Variants in DLGAP2 observed in about 807,000 individuals in gnomAD.
DLGAP2 encodes the protein DLG associated protein 2.
DLGAP2 carries 26 observed loss-of-function variants against 100.3 expected under a neutral mutation model. The ratio of observed to expected loss-of-function variants is 0.26; its 90% CI spans 0.19 to 0.36. The LOEUF (loss-of-function observed/expected upper bound fraction) is 0.36, where lower values mean the gene tolerates loss of function less well. DLGAP2 is among the 10% of genes least tolerant of loss of function. The pLI is 1.00. For missense variants in DLGAP2, 1,858 were observed against 1,453.2 expected, an observed-to-expected ratio of 1.28 and a Z score of -4.53; for synonymous variants, 886 against 630.1, an observed-to-expected ratio of 1.41 and a Z score of -6.08.
intron 2 of DLGAP2, among the ~76,000 whole-genome samples, chr8:911,447 A>T (rs1251603217): frequency 2.0e-5 from 3 of 152,134 alleles, no homozygotes; most frequent in Admixed American, 6.5e-5. Context: ...TGTATAATGT[A>T]TGTTGGAAGG....
At chr8:766,241 G>A (rs141318884) in intron 1 of DLGAP2, among the ~76,000 whole-genome samples, 16 of 152,224 alleles carry the variant, frequency 1.1e-4, no homozygotes, top group African/African-American at 3.9e-4. Flanking sequence ...CTGCACATAC[G>A]TGCACATATG....
intron 2 of DLGAP2, among the ~76,000 whole-genome samples, chr8:1,104,523 C>G (rs150568988): frequency 5.3e-5 from 8 of 152,334 alleles, no homozygotes; most frequent in Admixed American, 1.3e-4. Flanking sequence ...GGGACTTGAA[C>G]TCTTGACTTA....
intron 1 of DLGAP2, among the ~76,000 whole-genome samples, chr8:794,020 G>A (rs918117740): frequency 1.3e-5 from 2 of 152,168 alleles, no homozygotes; most frequent in African/African-American, 4.8e-5. Flanking sequence ...GTTTCTAGCT[G>A]CAGGATGGGG....
rs1485800307 is a variant in DLGAP2, at chr8:816,236, A to G, written c.18+78411A>G. On this transcript the variant is annotated intron_variant, in intron 1 of 14. Transcript: ENST00000637795. The stretch of plus-strand genomic sequence containing the variant: ...TGTTAGTATTGAGATGTGAGATACT[A>G]TTCCATTCATCATGCTATTTGTTTC... Among the ~76,000 whole-genome samples, 3 of 149,244 alleles carry G rather than the reference A, an allele frequency of 2.0e-5. 1 individual carries two copies. Among genetic ancestry groups the G allele is most frequent in the South Asian group, 4.2e-4 (2 of 4,768 alleles).
intron 3 of DLGAP2, among the ~76,000 whole-genome samples, chr8:1,431,470 C>G (rs113611962): frequency 1.3e-5 from 2 of 152,182 alleles, no homozygotes; most frequent in African/African-American, 2.4e-5. Context: ...GGGCAAAGGA[C>G]AATGCATAGA....
intron 3 of DLGAP2, among the ~76,000 whole-genome samples, chr8:1,317,182 T>G (rs866226276): frequency 1.2e-4 from 11 of 93,330 alleles, no homozygotes; most frequent in African/African-American, 4.6e-4. Flanking sequence ...AGAGCGTGTG[T>G]GAGTGCAGCG....
chr8:1,242,845 C>T (rs565397904), intron 2 of DLGAP2, among the ~76,000 whole-genome samples: 45 of 151,472 alleles, frequency 3.0e-4, no homozygotes, highest in Non-Finnish European at 6.0e-4. Flanking sequence ...GATGGGTGGA[C>T]GGACGGGCAG....
chr8:950,076 C>T (rs950020878), intron 2 of DLGAP2, among the ~76,000 whole-genome samples: 1 of 152,270 alleles, frequency 6.6e-6, no homozygotes, highest in Non-Finnish European at 1.5e-5. Flanking sequence ...CTTATCTGCC[C>T]GGCAGCACCT....
chr8:1,303,105 AAGG>A (rs1800397804), intron 3 of DLGAP2, among the ~76,000 whole-genome samples: 1 of 152,182 alleles, frequency 6.6e-6, no homozygotes, highest in Non-Finnish European at 1.5e-5. Context: ...AATGAATAAA[AAGG>A]AGGAAGGGGT....
chr8:1,445,777 C>T (rs1249755527), intron 3 of DLGAP2, among the ~76,000 whole-genome samples: 1 of 152,144 alleles, frequency 6.6e-6, no homozygotes, highest in African/African-American at 2.4e-5. Flanking sequence ...TTAATGATTG[C>T]CATTCTAACT....
chr8:1,701,066 A>T (rs887376836), intron 14 of DLGAP2, 122 bp from the exon 15 acceptor site: 1 of 844,892 alleles, frequency 1.2e-6, no homozygotes, highest in Non-Finnish European at 1.8e-6. Context: ...ACGGGAGTGA[A>T]GGATGCGGCC....
intron 2 of DLGAP2, among the ~76,000 whole-genome samples, chr8:998,191 CATAA>C (rs1800842000): frequency 6.6e-6 from 1 of 152,234 alleles, no homozygotes; most frequent in South Asian, 2.1e-4. Context: ...TGCATGCACA[CATAA>C]ATACACACAT....
chr8:1,423,078 C>T (rs946872415), intron 3 of DLGAP2, among the ~76,000 whole-genome samples: 2 of 152,080 alleles, frequency 1.3e-5, no homozygotes, highest in Admixed American at 1.3e-4. Context: ...CAGACTGCCA[C>T]AACAGTGTAG....
In DLGAP2 at chr8:1,317,472, G is replaced by C. The variant is rs1410154316; in HGVS notation, c.106+58589G>C. Among the ~76,000 whole-genome samples, 3 of 142,666 alleles carry C rather than the reference G, an allele frequency of 2.1e-5. 1 individual carries two copies. The East Asian group carries it at 6.5e-4, about 31-fold the overall frequency. 93.6% of individuals were successfully genotyped at this position (142,666 alleles called of 152,430 possible). ...AAAATAGAGGCTGTGCGAGTGCAGC[G>C]TCTCTCCAACAGTGGTCTACACTCG... On this transcript the variant is annotated intron_variant, in intron 3 of 14. Transcript: ENST00000637795.
chr8:1,133,393 A>G (rs573530241), intron 2 of DLGAP2, among the ~76,000 whole-genome samples: 1 of 152,220 alleles, frequency 6.6e-6, no homozygotes, highest in Non-Finnish European at 1.5e-5. Flanking sequence ...ATAAAATTAT[A>G]TTGATCATTA....
intron 2 of DLGAP2, among the ~76,000 whole-genome samples, chr8:1,097,208 A>G (rs1479457508): frequency 3.7e-4 from 32 of 86,618 alleles, no homozygotes; most frequent in South Asian, 9.1e-4. Context: ...CTGGGAGCCT[A>G]GGGCAGGCCT....
chr8:1,011,175 A>C (rs1390721715), intron 2 of DLGAP2, among the ~76,000 whole-genome samples: 1 of 150,544 alleles, frequency 6.6e-6, no homozygotes, highest in Non-Finnish European at 1.5e-5. Context: ...CTTAGTCTAC[A>C]CAGTGAGCCC....
At chr8:741,042 TAATC>T (rs1233773016) in intron 1 of DLGAP2, among the ~76,000 whole-genome samples, 1 of 152,238 alleles carries the variant, frequency 6.6e-6, no homozygotes, top group Non-Finnish European at 1.5e-5. Flanking sequence ...AAATTATTCT[TAATC>T]AACCGTAGTT....
At chr8:1,236,239 C>T (rs1176258764) in intron 2 of DLGAP2, among the ~76,000 whole-genome samples, 2 of 66,776 alleles carry the variant, frequency 3.0e-5, no homozygotes, top group Non-Finnish European at 5.6e-5. Flanking sequence ...TCTCACATGG[C>T]ACCATGTCTA....
Sources: allele counts gnomAD v4.1 joint callset (sites outside exome capture counted in the v4.1 genomes callset), GRCh38; gene constraint gnomAD v4.1.1; transcripts MANE v1.5; gene names NCBI Gene and HGNC (gene_info 2026-07-23, HGNC 2026-07-21).